AFAP1: variants seen among roughly 807,000 people sequenced by gnomAD.
AFAP1 encodes the protein actin filament-associated protein 1.
In AFAP1, 75 loss-of-function variants were observed where a neutral mutation model predicts 93.9. The ratio of observed to expected loss-of-function variants is 0.80; its 90% CI spans 0.66 to 0.97. The LOEUF (loss-of-function observed/expected upper bound fraction) is 0.97. AFAP1 is among the 50% of genes least tolerant of loss of function. The pLI, the probability that AFAP1 is intolerant of heterozygous loss-of-function variation, is 0.00. For synonymous variants in AFAP1, 517 were observed against 430.7 expected (o/e 1.20, Z -2.48); for missense variants, 1,201 against 1,050.8 (o/e 1.14, Z -1.98).
At chr4:7,876,260 A>C (rs1717498837) in intron 1 of AFAP1, among the ~76,000 whole-genome samples, 1 of 152,182 alleles carries the variant, frequency 6.6e-6, no homozygotes, top group Non-Finnish European at 1.5e-5. Context: ...GCCCTGGCCA[A>C]GGTATCTGCC....
intron 16 of AFAP1, chr4:7,772,513 C>G: frequency 3.5e-6 from 1 of 282,204 alleles, no homozygotes; most frequent in Non-Finnish European, 6.6e-6. Context: ...GGCATCAAAT[C>G]ATGACCTGGT....
chr4:7,869,307 G>A (rs1425330471), intron 2 of AFAP1, among the ~76,000 whole-genome samples: 1 of 152,246 alleles, frequency 6.6e-6, no homozygotes, highest in Non-Finnish European at 1.5e-5. Flanking sequence ...ACTAGTGCCA[G>A]AGCCTGCATG....
rs1270303337 is a variant in AFAP1, at chr4:7,809,687, G to T, written c.981C>A (p.Ile327=). The change falls in exon 9 of 18, where the codon ATC becomes ATA. Residue 327 remains isoleucine (I), a synonymous_variant. Transcript: ENST00000420658. Reference sequence around the variant, plus strand: ...ACGGCTTTTTCTTTCCCAGACTGATGATCTTGGTGATTTTTTTCCCAGTGA... The same window carrying T: ...ACGGCTTTTTCTTTCCCAGACTGATTATCTTGGTGATTTTTTTCCCAGTGA... ...SKVTGKKITK[I]ISLGKKKPST... is the part of the protein sequence containing the mutation. 18 of 1,613,964 alleles carry T rather than the reference G, an allele frequency of 1.1e-5. No individual in the cohort carries two copies. The highest frequency in any genetic ancestry group is 8.8e-5 in the South Asian group (8 of 91,074).
intron 11 of AFAP1, among the ~76,000 whole-genome samples, chr4:7,790,412 G>C (rs533571363): frequency 1.1e-4 from 17 of 152,192 alleles, no homozygotes; most frequent in African/African-American, 4.1e-4. Flanking sequence ...ATTTGATTTA[G>C]ATTAATACTC....
rs758464649 is a variant in AFAP1, at chr4:7,809,697, A to AT, written c.970dup (p.Ile324AsnfsTer22). ...CTTTCCCAGACTGATGATCTTGGTG[A>AT]TTTTTTTCCCAGTGACTTTCGACAC... On this transcript the variant is annotated frameshift_variant, in exon 9 of 18. Transcript: ENST00000420658. LOFTEE classifies it high-confidence loss of function. The AT allele has an allele frequency of 2.5e-6, 4 of 1,613,480 alleles. No homozygotes were observed. The highest frequency in any genetic ancestry group is 2.5e-6 in the Non-Finnish European group (3 of 1,179,920).
intron 1 of AFAP1, among the ~76,000 whole-genome samples, chr4:7,906,216 C>G (rs1158800788): frequency 1.3e-5 from 2 of 152,212 alleles, no homozygotes; most frequent in African/African-American, 4.8e-5. Context: ...CTCTGCGACT[C>G]ATTCACCCTA....
intron 1 of AFAP1, among the ~76,000 whole-genome samples, chr4:7,912,024 G>C (rs1235593973): frequency 6.6e-6 from 1 of 152,198 alleles, no homozygotes; most frequent in African/African-American, 2.4e-5. Flanking sequence ...AAAGGACAGA[G>C]AGAAAATGCA....
At chr4:7,875,656 C>T (rs1717454385) in intron 1 of AFAP1, among the ~76,000 whole-genome samples, 1 of 148,148 alleles carries the variant, frequency 6.8e-6, no homozygotes, top group Non-Finnish European at 1.5e-5. Flanking sequence ...GGACGGGGGG[C>T]TGATAGCATT....
intron 12 of AFAP1, 42 bp from the exon 13 acceptor site, chr4:7,781,669 G>GA: frequency 6.5e-7 from 1 of 1,545,290 alleles, no homozygotes; most frequent in East Asian, 2.5e-5. Context: ...TTGGACACAG[G>GA]AAACAGCAGC....
At chr4:7,797,756 A>AT (rs1160323666) in intron 10 of AFAP1, among the ~76,000 whole-genome samples, 1 of 152,240 alleles carries the variant, frequency 6.6e-6, no homozygotes, top group African/African-American at 2.4e-5. Flanking sequence ...GACTGTGATC[A>AT]TATTACACTG....
intron 6 of AFAP1, among the ~76,000 whole-genome samples, chr4:7,837,070 A>C (rs1712391514): frequency 6.6e-6 from 1 of 152,208 alleles, no homozygotes; most frequent in Non-Finnish European, 1.5e-5. Context: ...CATGCTGATG[A>C]CATTTATGAA....
rs1413020686 is a variant in AFAP1 at position 7,876,042 on chromosome 4, A to G, written c.-2-3962T>C. Among the ~76,000 whole-genome samples the G allele has an allele frequency of 4.6e-5, 7 of 152,332 alleles. No homozygotes were observed. In the East Asian group the frequency reaches 1.2e-3, roughly 25 times the overall value. ...ATGACACTAAATTTTATACTCAAAA[A>G]GGGTTAAAAAGGTAAAATGTATGCT... On this transcript the variant is annotated intron_variant, in intron 1 of 17. Transcript: ENST00000420658.
intron 9 of AFAP1, among the ~76,000 whole-genome samples, chr4:7,805,238 T>A (rs1719400089): frequency 6.6e-6 from 1 of 152,118 alleles, no homozygotes; most frequent in Non-Finnish European, 1.5e-5. Context: ...TGATACCAAA[T>A]GAGACGTATC....
intron 1 of AFAP1, among the ~76,000 whole-genome samples, chr4:7,897,661 A>C (rs6830399): frequency 0.79 from 119,056 of 151,658 alleles, 47,119 homozygotes; most frequent in East Asian, 0.94. Context: ...GCAGCTGGGA[A>C]CACCAGCGTG....
chr4:7,839,393 CATAA>C (rs1346683244), intron 5 of AFAP1, among the ~76,000 whole-genome samples: 4 of 151,522 alleles, frequency 2.6e-5, no homozygotes, highest in African/African-American at 4.9e-5. Flanking sequence ...ATATATTTAA[CATAA>C]ATGTTTATTT....
At chr4:7,934,156 T>A (rs1721252592) in intron 1 of AFAP1, among the ~76,000 whole-genome samples, 1 of 152,146 alleles carries the variant, frequency 6.6e-6, no homozygotes, top group African/African-American at 2.4e-5. Flanking sequence ...CACCTACAAA[T>A]TTTAGGTTTC....
At chr4:7,808,549 G>A (rs755078686) in intron 9 of AFAP1, among the ~76,000 whole-genome samples, 1 of 152,120 alleles carries the variant, frequency 6.6e-6, no homozygotes, top group Non-Finnish European at 1.5e-5. Context: ...CTTACTGGAT[G>A]AAAGACTGAC....
At chr4:7,858,050 T>C (rs551820766) in intron 3 of AFAP1, among the ~76,000 whole-genome samples, 1 of 152,194 alleles carries the variant, frequency 6.6e-6, no homozygotes, top group South Asian at 2.1e-4. Context: ...ACAATCTAAA[T>C]TTTCAAGAGA....
intron 3 of AFAP1, among the ~76,000 whole-genome samples, chr4:7,865,467 C>A (rs1319680866): frequency 2.0e-5 from 3 of 152,182 alleles, no homozygotes; most frequent in Admixed American, 6.5e-5. Context: ...TTTTGATTGA[C>A]CAGTTCTGAC....
Sources: allele counts gnomAD v4.1 joint callset (sites outside exome capture counted in the v4.1 genomes callset), GRCh38; gene constraint gnomAD v4.1.1; transcripts MANE v1.5; gene names NCBI Gene and HGNC (gene_info 2026-07-23, HGNC 2026-07-21).